The following CNTNAP4 variants were observed in gnomAD, a reference collection of about 807,000 sequenced individuals.
The protein encoded by CNTNAP4 is contactin-associated protein-like 4.
Under a neutral mutation model 148.4 loss-of-function variants are expected in CNTNAP4, and 98 were observed. The ratio of observed to expected loss-of-function variants is 0.66; its 90% CI spans 0.56 to 0.78. CNTNAP4 has a LOEUF of 0.78. Among genes scored for constraint, CNTNAP4 ranks in the 30% least tolerant of loss-of-function variants. The pLI, the probability that CNTNAP4 is intolerant of heterozygous loss-of-function variation, is 0.00. For missense variants in CNTNAP4, 1,935 were observed against 1,565.6 expected, an observed-to-expected ratio of 1.24 and a Z score of -3.98; for synonymous variants, 730 against 565.1, an observed-to-expected ratio of 1.29 and a Z score of -4.14.
intron 3 of CNTNAP4, among the ~76,000 whole-genome samples, chr16:76,404,812 T>C (rs1177038082): frequency 6.6e-6 from 1 of 152,160 alleles, no homozygotes; most frequent in African/African-American, 2.4e-5. Context: ...ATGAATTTAA[T>C]AGTGACCACA....
At chr16:76,277,887 G>C (rs1203952227) in intron 1 of CNTNAP4, 140 bp downstream of exon 1, 4 of 651,086 alleles carry the variant, frequency 6.1e-6, no homozygotes, top group Non-Finnish European at 5.5e-6. Flanking sequence ...TAAAAATCTT[G>C]CCAATGTGAC....
intron 3 of CNTNAP4, among the ~76,000 whole-genome samples, chr16:76,397,990 A>G (rs1417724974): frequency 1.8e-4 from 14 of 79,240 alleles, no homozygotes; most frequent in East Asian, 3.7e-4. Context: ...ATATATATAT[A>G]TATATATATA....
At chr16:76,324,270 T>G (rs1259122832) in intron 2 of CNTNAP4, among the ~76,000 whole-genome samples, 1 of 152,210 alleles carries the variant, frequency 6.6e-6, no homozygotes, top group South Asian at 2.1e-4. Flanking sequence ...TTAAAATATA[T>G]TCACAAAATT....
intron 3 of CNTNAP4, among the ~76,000 whole-genome samples, chr16:76,404,589 G>A (rs1200174995): frequency 3.3e-5 from 5 of 152,098 alleles, no homozygotes; most frequent in African/African-American, 1.2e-4. Context: ...GCATAAGTGA[G>A]TGTTTTGAAA....
Position 76,403,054 on chromosome 16 carries a change from C to T in CNTNAP4, c.391-24398C>T, listed in dbSNP as rs114635575. On this transcript the variant is annotated intron_variant, in intron 3 of 23. Transcript: ENST00000611870. Reference sequence around the variant, plus strand: ...AGAAAAAAACAACTCCATTAAAACGCGGGAAAAGGACATGAACACTGTTGT... The same window carrying T: ...AGAAAAAAACAACTCCATTAAAACGTGGGAAAAGGACATGAACACTGTTGT... Among the ~76,000 whole-genome samples the T allele has an allele frequency of 1.6e-3, 244 of 150,180 alleles. 1 individual carries two copies. The highest frequency in any genetic ancestry group is 5.7e-3 in the African/African-American group (232 of 40,916).
chr16:76,477,372 A>G (rs2081625375), intron 11 of CNTNAP4, among the ~76,000 whole-genome samples: 1 of 152,088 alleles, frequency 6.6e-6, no homozygotes, highest in Admixed American at 6.6e-5. Context: ...AACTCTTAGT[A>G]TTACCTCCTA....
Position 76,320,956 on chromosome 16 carries a change from T to C in CNTNAP4, c.196+4433T>C, listed in dbSNP as rs1014928773. On this transcript the variant is annotated intron_variant, in intron 2 of 23. Transcript: ENST00000611870. ...ATACATATGTACACCTCTTTAAGTATATAAAAGATGGTTTCCATAGCTGAC... is the reference window on the plus strand; with the variant it reads ...ATACATATGTACACCTCTTTAAGTACATAAAAGATGGTTTCCATAGCTGAC... Among the ~76,000 whole-genome samples, 98 of 152,344 alleles carry C rather than the reference T, an allele frequency of 6.4e-4. 1 individual carries two copies. Among genetic ancestry groups the C allele is most frequent in the African/African-American group, 2.2e-3 (93 of 41,586 alleles).
rs566878574 is a variant in CNTNAP4 at position 76,284,860 on chromosome 16, G to A, written c.85+7113G>A. Among the ~76,000 whole-genome samples the A allele has an allele frequency of 8.6e-5, 13 of 152,004 alleles. No individual in the cohort carries two copies. The South Asian group carries it at 2.7e-3, about 32-fold the overall frequency. ...CTCCAAAGTGCTGATTACTTCAGGG[G>A]GCTGATGGCTCTGTGTTGGTAAAGA... On this transcript the variant is annotated intron_variant, in intron 1 of 23. Coordinates refer to ENST00000611870, the MANE Select transcript of CNTNAP4 (RefSeq NM_033401.5).
chr16:76,552,654 AG>A (rs1172562568), intron 21 of CNTNAP4, among the ~76,000 whole-genome samples: 1 of 152,204 alleles, frequency 6.6e-6, no homozygotes, highest in Non-Finnish European at 1.5e-5. Flanking sequence ...GAAAAGACAT[AG>A]GGGTATAAAG....
At chr16:76,394,586 A>G (rs184093364) in intron 3 of CNTNAP4, among the ~76,000 whole-genome samples, 1 of 152,302 alleles carries the variant, frequency 6.6e-6, no homozygotes, top group African/African-American at 2.4e-5. Context: ...CCTTTCCCCC[A>G]AAATTCTATA....
chr16:76,310,693 G>T (rs1961003906), intron 1 of CNTNAP4, among the ~76,000 whole-genome samples: 1 of 152,044 alleles, frequency 6.6e-6, no homozygotes, highest in South Asian at 2.1e-4. Flanking sequence ...TGGGACATAC[G>T]ATTCATTAGC....
intron 3 of CNTNAP4, among the ~76,000 whole-genome samples, chr16:76,384,443 C>T (rs928419038): frequency 6.6e-6 from 1 of 152,042 alleles, no homozygotes; most frequent in African/African-American, 2.4e-5. Context: ...AAGAAGAATG[C>T]GAAGTTGGTT....
chr16:76,441,845 T>C (rs2080054284), intron 4 of CNTNAP4, among the ~76,000 whole-genome samples: 1 of 152,186 alleles, frequency 6.6e-6, no homozygotes, highest in East Asian at 1.9e-4. Flanking sequence ...TTATTGCTAA[T>C]TGTGTGTCAG....
chr16:76,291,142 G>A (rs978126741), intron 1 of CNTNAP4, among the ~76,000 whole-genome samples: 7 of 152,128 alleles, frequency 4.6e-5, no homozygotes, highest in Non-Finnish European at 1.5e-5. Context: ...GGAGTGGGGG[G>A]TATAATTCAG....
At chr16:76,409,369 AAT>A (rs2068411348) in intron 3 of CNTNAP4, among the ~76,000 whole-genome samples, 1 of 151,966 alleles carries the variant, frequency 6.6e-6, no homozygotes. Flanking sequence ...AATAACATGC[AAT>A]ATGTTTTATA....
intron 2 of CNTNAP4, among the ~76,000 whole-genome samples, chr16:76,339,696 A>G (rs7196808): frequency 0.019 from 2,823 of 152,312 alleles, 82 homozygotes; most frequent in African/African-American, 0.064. Flanking sequence ...CTCAGAATCT[A>G]TCTAATTTAT....
At chr16:76,398,081 CCCAAAG>C (rs1407799165) in intron 3 of CNTNAP4, among the ~76,000 whole-genome samples, 3 of 145,342 alleles carry the variant, frequency 2.1e-5, no homozygotes, top group Admixed American at 7.0e-5. Flanking sequence ...CAGCCCGAGT[CCCAAAG>C]CTGAAGAACC....
chr16:76,369,314 A>T (rs1327840389), intron 3 of CNTNAP4, among the ~76,000 whole-genome samples: 1 of 152,196 alleles, frequency 6.6e-6, no homozygotes, highest in Non-Finnish European at 1.5e-5. Flanking sequence ...CACCCATGGT[A>T]TTATGGTTAC....
At chr16:76,330,099 G>A (rs749020802) in intron 2 of CNTNAP4, among the ~76,000 whole-genome samples, 4 of 152,138 alleles carry the variant, frequency 2.6e-5, no homozygotes, top group African/African-American at 7.2e-5. Context: ...CCTGCAAGGT[G>A]TTTTTTCTCA....
Sources: gnomAD v4.1 joint callset for allele counts (sites outside exome capture counted in the v4.1 genomes callset) on GRCh38, gnomAD v4.1.1 for gene constraint, MANE v1.5 for transcripts, NCBI Gene and HGNC (gene_info 2026-07-23, HGNC 2026-07-21) for gene names.